Variants in SCRG1 observed in about 807,000 individuals in gnomAD.
SCRG1 encodes scrapie-responsive protein 1.
In SCRG1, 3 loss-of-function variants were observed where a neutral mutation model predicts 7.7. The ratio of observed to expected loss-of-function variants is 0.39; its 90% CI spans 0.18 to 1.01. The LOEUF (loss-of-function observed/expected upper bound fraction) is 1.01, where lower values mean the gene tolerates loss of function less well. SCRG1 is among the 50% of genes least tolerant of loss of function. SCRG1 has a pLI of 0.36. For synonymous variants in SCRG1, 46 were observed against 41.2 expected, an observed-to-expected ratio of 1.12 and a Z score of -0.44; for missense variants, 110 against 117.2, an observed-to-expected ratio of 0.94 and a Z score of 0.28.
At chr4:173,390,190 T>C (rs1365126301) in intron 2 of SCRG1, among the ~76,000 whole-genome samples, 1 of 151,690 alleles carries the variant, frequency 6.6e-6, no homozygotes, top group East Asian at 2.0e-4. Context: ...ATTACAGGCA[T>C]GTGCCACCAT....
chr4:173,408,630 T>C (rs1442218716), upstream of SCRG1, among the ~76,000 whole-genome samples: 1 of 151,792 alleles, frequency 6.6e-6, no homozygotes, highest in Non-Finnish European at 1.5e-5. Context: ...GAATGAAGGG[T>C]TTAAGAATAT....
At chr4:173,442,571 C>T in the SCRG1 span, among the ~76,000 whole-genome samples, 1 of 152,182 alleles carries the variant, frequency 6.6e-6, no homozygotes, top group African/African-American at 2.4e-5. Context: ...AGCATGTCTC[C>T]ATGTTTTTCT....
At chr4:173,509,436 AG>A in the SCRG1 span, among the ~76,000 whole-genome samples, 1 of 152,134 alleles carries the variant, frequency 6.6e-6, no homozygotes, top group Non-Finnish European at 1.5e-5. This position sits in a 1 kb window ranked among gnomAD's most constrained non-coding sequence, Gnocchi z 5.7. Context: ...CGCGGGGTCG[AG>A]ACGGTGTCGG....
chr4:173,460,113 T>C, the SCRG1 span, among the ~76,000 whole-genome samples: 13 of 152,280 alleles, frequency 8.5e-5, no homozygotes, highest in Admixed American at 5.9e-4. Context: ...AAAAATACCT[T>C]CGTAAGAACC....
intron 2 of SCRG1, 110 bp from the exon 3 acceptor site, chr4:173,388,505 CT>C (rs1333081646): frequency 1.3e-5 from 9 of 701,846 alleles, no homozygotes; most frequent in Non-Finnish European, 1.9e-5. Flanking sequence ...TATGATTATT[CT>C]TTTTAGGTGA....
At chr4:173,497,758 T>A in the SCRG1 span, among the ~76,000 whole-genome samples, 6 of 148,352 alleles carry the variant, frequency 4.0e-5, no homozygotes, top group Non-Finnish European at 7.4e-5. Context: ...GCAACCTCAG[T>A]CTTCTGGGTT....
At chr4:173,429,596 T>C in the SCRG1 span, among the ~76,000 whole-genome samples, 1 of 152,224 alleles carries the variant, frequency 6.6e-6, no homozygotes, top group African/African-American at 2.4e-5. Flanking sequence ...GAACCCATCC[T>C]GAGAAAATTT....
chr4:173,458,389 AC>A, the SCRG1 span, among the ~76,000 whole-genome samples: 4 of 152,236 alleles, frequency 2.6e-5, no homozygotes, highest in Admixed American at 6.5e-5. Flanking sequence ...TTAAAAAAAA[AC>A]AGATGAAGTT....
chr4:173,483,431 T>A, the SCRG1 span, among the ~76,000 whole-genome samples: 1 of 5,346 alleles, frequency 1.9e-4, no homozygotes, highest in Non-Finnish European at 3.0e-4. Flanking sequence ...CATGATATAG[T>A]ATATATTATA....
At chr4:173,431,103 G>C in the SCRG1 span, among the ~76,000 whole-genome samples, 1 of 152,176 alleles carries the variant, frequency 6.6e-6, no homozygotes, top group Non-Finnish European at 1.5e-5. Flanking sequence ...ACTTGCACGG[G>C]TACCACTGGA....
chr4:173,408,789 T>G (rs1044050555), upstream of SCRG1, among the ~76,000 whole-genome samples: 2 of 151,780 alleles, frequency 1.3e-5, no homozygotes, highest in Non-Finnish European at 1.5e-5. Flanking sequence ...GTCAGGAGAT[T>G]GAGACCATCC....
the SCRG1 span, among the ~76,000 whole-genome samples, chr4:173,518,699 G>T: frequency 1.3e-5 from 2 of 152,136 alleles, no homozygotes; most frequent in Non-Finnish European, 2.9e-5. Flanking sequence ...GTTAGCCCCT[G>T]CGCCCCCTTT....
At chr4:173,483,277 AATATATGATATATC>A in the SCRG1 span, among the ~76,000 whole-genome samples, 40 of 40,576 alleles carry the variant, frequency 9.9e-4, 1 homozygote, top group South Asian at 3.8e-3. Context: ...TATGATATAT[AATATATGATATATC>A]ATATATGATA....
the SCRG1 span, among the ~76,000 whole-genome samples, chr4:173,508,567 C>T: frequency 1.3e-5 from 2 of 152,172 alleles, no homozygotes; most frequent in African/African-American, 2.4e-5. The surrounding 1 kb of genome is among the most constrained non-coding windows in gnomAD (Gnocchi z 4.4). Context: ...GACCACAGCC[C>T]CCGCCCCAGC....
At chr4:173,460,273 C>T in the SCRG1 span, among the ~76,000 whole-genome samples, 8 of 152,234 alleles carry the variant, frequency 5.3e-5, no homozygotes, top group South Asian at 1.5e-3. Context: ...GTCCTAGTGT[C>T]GAACTAAGCT....
At chr4:173,439,488 C>G in the SCRG1 span, among the ~76,000 whole-genome samples, 1 of 147,970 alleles carries the variant, frequency 6.8e-6, no homozygotes. Context: ...GCACTCCAGC[C>G]TGGGCAACAG....
At chr4:173,435,684 A>G in the SCRG1 span, among the ~76,000 whole-genome samples, 1 of 151,994 alleles carries the variant, frequency 6.6e-6, no homozygotes. Flanking sequence ...GTCAGAGTCC[A>G]TTTTTTTTGC....
At chr4:173,496,177 G>C in the SCRG1 span, among the ~76,000 whole-genome samples, 4 of 152,260 alleles carry the variant, frequency 2.6e-5, no homozygotes, top group African/African-American at 9.6e-5. Context: ...ATTTTAAGTA[G>C]GGAAACAACA....
the SCRG1 span, among the ~76,000 whole-genome samples, chr4:173,494,457 G>A: frequency 2.2e-4 from 33 of 152,344 alleles, no homozygotes; most frequent in South Asian, 6.8e-3. Flanking sequence ...AAGAGCGGAG[G>A]AAGCAGAGAC....
Sources: allele counts gnomAD v4.1 joint callset (sites outside exome capture counted in the v4.1 genomes callset), GRCh38; gene constraint gnomAD v4.1.1; non-coding constraint Gnocchi (gnomAD v3.1); transcripts MANE v1.5; gene names NCBI Gene and HGNC (gene_info 2026-07-23, HGNC 2026-07-21).